CPT1C: variants seen among roughly 807,000 people sequenced by gnomAD.
The protein encoded by CPT1C is palmitoyl thioesterase CPT1C.
In CPT1C, 61 loss-of-function variants were observed where a neutral mutation model predicts 97.3. That is an observed-to-expected ratio of 0.63 (90% confidence interval 0.51 to 0.78). The LOEUF is 0.78. Ranked by LOEUF, CPT1C falls within the 30% of genes least tolerant of loss-of-function variation. The pLI, the probability that CPT1C is intolerant of heterozygous loss-of-function variation, is 0.00. For missense variants in CPT1C, 975 were observed against 1,065.5 expected, an observed-to-expected ratio of 0.92 and a Z score of 1.18; for synonymous variants, 469 against 447.2, an observed-to-expected ratio of 1.05 and a Z score of -0.61.
rs1445233829 is a variant in CPT1C at position 49,692,305 on chromosome 19, G to T, written c.53G>T (p.Gly18Val). The T allele has an allele frequency of 6.2e-7, 1 of 1,614,132 alleles. No homozygotes were observed. Among genetic ancestry groups the T allele is most frequent in the Non-Finnish European group, 8.5e-7 (1 of 1,180,022 alleles). The change falls in exon 3 of 20, where the codon GGG becomes GTG. Residue 18 changes from glycine to valine, a missense_variant. By Grantham distance (109) the Gly-to-Val change is moderately radical (BLOSUM62 -3). Around this residue, in one of 3 missense-constraint regions of CPT1C, gnomAD observed 596 missense variants for 603.1 expected, o/e 0.99. Transcript: ENST00000598293. The part of the protein sequence containing the change: ...VGFRPSLTSD[G>V]AEVELSAPVL... ...TTCCGACCCTCGCTGACCTCGGACG[G>T]GGCTGAAGTGGAACTCAGTGCCCCT...
intron 2 of CPT1C, 141 bp downstream of exon 2, chr19:49,692,030 G>C: frequency 3.9e-6 from 2 of 518,242 alleles, no homozygotes; most frequent in Non-Finnish European, 6.8e-6. Flanking sequence ...TGGGGGCCTG[G>C]ACTCCTGGAT....
chr19:49,710,678 C>T (rs2083810701), intron 15 of CPT1C, 45 bp from the exon 16 acceptor site: 2 of 1,597,500 alleles, frequency 1.3e-6, no homozygotes, highest in Non-Finnish European at 1.7e-6. Context: ...TGTAAGATCT[C>T]CTGAGCCCAG....
At chr19:49,713,222 G>A (rs867786443) in intron 19 of CPT1C, 158 bp downstream of exon 19, 13 of 564,584 alleles carry the variant, frequency 2.3e-5, no homozygotes, top group East Asian at 1.4e-4. Context: ...CCTCAGACCC[G>A]GGAGTCCAGG....
chr19:49,694,080 AAAATAAAAAATAAATAAATAAAT>A (rs1243638197), intron 3 of CPT1C, among the ~76,000 whole-genome samples: 15 of 145,398 alleles, frequency 1.0e-4, no homozygotes, highest in Non-Finnish European at 1.9e-4. Flanking sequence ...AAAATAAAAT[AAAATAAAAAATAAATAAATAAAT>A]AAATAAATAA....
At chr19:49,701,765 C>CA in intron 7 of CPT1C, 131 bp downstream of exon 7, 1 of 972,848 alleles carries the variant, frequency 1.0e-6, no homozygotes, top group Non-Finnish European at 1.4e-6. Flanking sequence ...CCCCAAGGGT[C>CA]AATACCCTGA....
chr19:49,707,896 G>A (rs1234935672), intron 13 of CPT1C, among the ~76,000 whole-genome samples: 4 of 151,390 alleles, frequency 2.6e-5, no homozygotes, highest in Non-Finnish European at 2.9e-5. Flanking sequence ...CCTGCTACTC[G>A]GGAGGCTGAG....
rs60276067 is a variant in CPT1C, at chr19:49,708,002, CAAAAAA to C, written c.1449+399_1449+404del. On this transcript the variant is annotated intron_variant, in intron 13 of 19. Transcript: ENST00000598293. ...TGGGCGACAGAGCAAGAATACATCT[CAAAAAA>C]AAAAAAAAAAAAAAAAAAAGAAAAG... Among the ~76,000 whole-genome samples the C allele has an allele frequency of 7.8e-3, 445 of 56,756 alleles. 2 individuals carry two copies. The highest frequency in any genetic ancestry group is 0.014 in the Middle Eastern group (1 of 72). 37.2% of individuals were successfully genotyped at this position (56,756 alleles called of 152,430 possible). A position where few individuals can be genotyped will look rare whatever the true frequency, so the allele number is the denominator to read the frequency against.
chr19:49,692,755 C>G (rs747126107), intron 3 of CPT1C, among the ~76,000 whole-genome samples: 1 of 152,232 alleles, frequency 6.6e-6, no homozygotes, highest in African/African-American at 2.4e-5. Context: ...GAGACACAGT[C>G]TCACTCTGTC....
At position 49,692,335 on chromosome 19, in the gene CPT1C, T is replaced by A. The variant is rs1568498296; in HGVS notation, c.83T>A (p.Leu28Gln). 1 of 1,614,132 alleles carries A rather than the reference T, an allele frequency of 6.2e-7. No individual in the cohort carries two copies. The highest frequency in any genetic ancestry group is 1.7e-4 in the Middle Eastern group (1 of 6,060). Reference sequence around the variant, plus strand: ...GAAGTGGAACTCAGTGCCCCTGTGCTGCAGGAGATCTACCTCTCTGGCCTG... The same window carrying A: ...GAAGTGGAACTCAGTGCCCCTGTGCAGCAGGAGATCTACCTCTCTGGCCTG... ...GAEVELSAPVLQEIYLSGLRS... is the reference protein window; with the variant it reads ...GAEVELSAPVQQEIYLSGLRS... The change falls in exon 3 of 20, where the codon CTG becomes CAG. Residue 28 changes from leucine (L) to glutamine (Q), a missense_variant. By Grantham distance (113) the Leu-to-Gln change is moderately radical. Around this residue, in one of 3 missense-constraint regions of CPT1C, gnomAD observed 596 missense variants for 603.1 expected, o/e 0.99. Transcript: ENST00000598293.
rs575633529 is a variant in CPT1C at position 49,711,002 on chromosome 19, G to T, written c.1866+145G>T. 254 of 775,770 alleles carry T rather than the reference G, an allele frequency of 3.3e-4. 2 individuals carry two copies. The South Asian group carries it at 4.6e-3, about 14-fold the overall frequency. The allele number at this position is 775,770 out of a possible 1,614,324, so 48.1% of individuals were successfully genotyped here. On this transcript the variant is annotated intron_variant, in intron 16 of 19. Coordinates refer to ENST00000598293, the MANE Select transcript of CPT1C (RefSeq NM_001199753.2). ...ATCGGACCTGGCCTCTGACTTCAAA[G>T]AGCTCACTGATGGGGGGAGACAGCC...
In CPT1C at chr19:49,702,085, ATATTTATTTATAAATTATAAATATATATT is replaced by A. The variant is rs1568521612; in HGVS notation, c.693+475_693+503del. 4.4e-4 allele frequency among the ~76,000 whole-genome samples: 43 copies of A among 97,988 alleles called. 2 individuals are homozygous for A. The highest frequency in any genetic ancestry group is 3.0e-3 in the East Asian group (8 of 2,630). 64.3% of individuals were successfully genotyped at this position (97,988 alleles called of 152,430 possible). On this transcript the variant is annotated intron_variant, in intron 7 of 19. Coordinates refer to ENST00000598293, the MANE Select transcript of CPT1C (RefSeq NM_001199753.2). ...ATATTTATTTATAAATTATAAATAT[ATATTTATTTATAAATTATAAATATATATT>A]TATTTATTTATAAATTATAAATAAA...
chr19:49,698,543 G>A (rs751680849), intron 4 of CPT1C, among the ~76,000 whole-genome samples: 1 of 151,282 alleles, frequency 6.6e-6, no homozygotes, highest in African/African-American at 2.4e-5. Flanking sequence ...CGCGCCTGTA[G>A]TCCCAGCTAC....
At chr19:49,694,532 G>C (rs1390362298) in intron 3 of CPT1C, among the ~76,000 whole-genome samples, 1 of 151,616 alleles carries the variant, frequency 6.6e-6, no homozygotes, top group African/African-American at 2.4e-5. Flanking sequence ...GGGAGGCTGA[G>C]GCAGAAGAAT....
At chr19:49,700,571 G>A (rs928463751) in intron 4 of CPT1C, 113 bp from the exon 5 acceptor site, 7 of 1,153,574 alleles carry the variant, frequency 6.1e-6, no homozygotes, top group Non-Finnish European at 8.7e-6. Context: ...TGACAAAAAT[G>A]GGTTTCTCTG....
rs547971993 is a variant in CPT1C at position 49,695,241 on chromosome 19, C to CAT, written c.142-2078_142-2077dup. ...ACCTATAAATATATACATGCACACACATATATATGATAACATTACATGGAG... is the reference window on the plus strand; with the variant it reads ...ACCTATAAATATATACATGCACACACATATATATATGATAACATTACATGGAG... On this transcript the variant is annotated intron_variant, in intron 3 of 19. Coordinates refer to ENST00000598293, the MANE Select transcript of CPT1C (RefSeq NM_001199753.2). 1.4e-3 allele frequency among the ~76,000 whole-genome samples: 212 copies of CAT among 150,466 alleles called. 1 individual carries two copies. The highest frequency in any genetic ancestry group is 6.7e-3 in the South Asian group (32 of 4,764).
At chr19:49,703,035 AT>A (rs1048106478) in intron 7 of CPT1C, among the ~76,000 whole-genome samples, 7 of 151,516 alleles carry the variant, frequency 4.6e-5, no homozygotes, top group Non-Finnish European at 1.0e-4. Context: ...CTGGTTAAAT[AT>A]TTTTTTCTTC....
chr19:49,711,429 ACT>A (rs2083881247), intron 16 of CPT1C: 2 of 198,592 alleles, frequency 1.0e-5, no homozygotes, highest in South Asian at 2.4e-4. Context: ...TTACAACGTA[ACT>A]CTGCCCATTT....
chr19:49,713,504 C>A lies in CPT1C; in HGVS notation c.2311C>A (p.Arg771=). 1 of 1,614,198 alleles carries A rather than the reference C, an allele frequency of 6.2e-7. No homozygotes were observed. Residue 771 remains arginine (R), a synonymous_variant, in exon 20 of 20, where the codon CGG becomes AGG. Transcript: ENST00000598293. ...LFQAGQHFKR[R]FRGSGKENSR... The stretch of plus-strand genomic sequence containing the variant: ...CCAGGCGGGACAGCATTTTAAGCGC[C>A]GGTTCAGAGGGTCAGGGAAGGAGAA...
At position 49,697,473 on chromosome 19, in the gene CPT1C, C is replaced by T. The variant is rs751484103; in HGVS notation, c.281+8C>T. 2 of 1,612,626 alleles carry T rather than the reference C, an allele frequency of 1.2e-6. No individual in the cohort carries two copies. The highest frequency in any genetic ancestry group is 2.2e-5 in the East Asian group (1 of 44,814). ...AGAGTTGCTGCCTGACTGGTGAGGT[C>T]CCCCCACTCCAGCCCAGTAACCCCC... On this transcript the variant is annotated splice_region_variant and intron_variant, in intron 4 of 19. Transcript: ENST00000598293.
Sources: allele counts gnomAD v4.1 joint callset (sites outside exome capture counted in the v4.1 genomes callset), GRCh38; gene constraint gnomAD v4.1.1; regional missense constraint gnomAD v4.1.1; transcripts MANE v1.5; gene names NCBI Gene and HGNC (gene_info 2026-07-23, HGNC 2026-07-21).